IMMP2L: variants seen among roughly 807,000 people sequenced by gnomAD.
IMMP2L encodes the protein mitochondrial inner membrane protease subunit 2.
In IMMP2L, 18 loss-of-function variants were observed where a neutral mutation model predicts 19.3. The ratio of observed to expected loss-of-function variants is 0.93; its 90% CI spans 0.64 to 1.38. The LOEUF (loss-of-function observed/expected upper bound fraction) is 1.38, where lower values mean the gene tolerates loss of function less well. IMMP2L is among the 40% of genes most tolerant of loss of function. IMMP2L has a pLI of 0.00. For missense variants in IMMP2L, 233 were observed against 218.2 expected (o/e 1.07, Z -0.43); for synonymous variants, 76 against 73.0 (o/e 1.04, Z -0.21).
chr7:111,539,194 G>GGAA (rs1563330607), intron 1 of IMMP2L, among the ~76,000 whole-genome samples: 681 of 60,860 alleles, frequency 0.011, 74 homozygotes, highest in Middle Eastern at 0.018. Context: ...GAAGGAAGGA[G>GGAA]GGAGAAAGAA....
At position 110,956,402 on chromosome 7, in the gene IMMP2L, C is replaced by T. The variant is rs549159601; in HGVS notation, c.305+7098G>A. ...GCATCGATCCTCCCCTGCCTGATTC[C>T]TCCCTGGAGCCAAGAAGTGATTCTG... On this transcript the variant is annotated intron_variant, in intron 4 of 5. Transcript: ENST00000405709. Among the ~76,000 whole-genome samples the T allele has an allele frequency of 5.9e-5, 9 of 152,132 alleles. 1 individual carries two copies. The highest frequency in any genetic ancestry group is 5.9e-4 in the Admixed American group (9 of 15,248).
intron 3 of IMMP2L, among the ~76,000 whole-genome samples, chr7:111,101,365 G>A (rs903347113): frequency 4.6e-5 from 7 of 151,290 alleles, no homozygotes; most frequent in African/African-American, 1.7e-4. Context: ...TCATATATTC[G>A]TGTCTGTGAT....
chr7:110,841,698 T>A (rs1805104791), intron 5 of IMMP2L, among the ~76,000 whole-genome samples: 1 of 152,128 alleles, frequency 6.6e-6, no homozygotes, highest in Non-Finnish European at 1.5e-5. Flanking sequence ...GACTTTTTTT[T>A]AAAGAACTGG....
intron 3 of IMMP2L, among the ~76,000 whole-genome samples, chr7:111,219,114 ATACT>A (rs1812259601): frequency 6.6e-6 from 1 of 152,062 alleles, no homozygotes; most frequent in South Asian, 2.1e-4. Context: ...GATGTATGTT[ATACT>A]ATTTGGGTTT....
chr7:110,716,218 G>A (rs896427284), intron 5 of IMMP2L, among the ~76,000 whole-genome samples: 1 of 151,964 alleles, frequency 6.6e-6, no homozygotes, highest in Non-Finnish European at 1.5e-5. Flanking sequence ...CTCTTGAAGA[G>A]AGGGGATGGA....
At chr7:111,106,901 A>C (rs897330532) in intron 3 of IMMP2L, among the ~76,000 whole-genome samples, 3 of 151,896 alleles carry the variant, frequency 2.0e-5, no homozygotes, top group African/African-American at 7.2e-5. Context: ...GAAAACATTC[A>C]TTCAATAGTA....
chr7:111,302,058 T>C (rs1044566902), intron 3 of IMMP2L, among the ~76,000 whole-genome samples: 2 of 150,970 alleles, frequency 1.3e-5, no homozygotes, highest in African/African-American at 4.9e-5. Context: ...CACCTCACAC[T>C]GCACAGGCCC....
At chr7:111,405,857 G>A (rs556338693) in intron 3 of IMMP2L, among the ~76,000 whole-genome samples, 17 of 152,106 alleles carry the variant, frequency 1.1e-4, no homozygotes, top group African/African-American at 3.9e-4. Flanking sequence ...TTATTGGAAC[G>A]CAGCCACACC....
In IMMP2L at chr7:111,081,432, C is replaced by G. The variant is rs10234323; in HGVS notation, c.240-117867G>C. On this transcript the variant is annotated intron_variant, in intron 3 of 5. Transcript: ENST00000405709. ...TTGTACTTGCTTATTGTGCCTGTTT[C>G]TAGATTTTAGACATGCTAGCACCTC... Among the ~76,000 whole-genome samples the G allele has an allele frequency of 9.7e-3, 1,470 of 152,288 alleles. 23 individuals carry two copies. The highest frequency in any genetic ancestry group is 0.033 in the African/African-American group (1,364 of 41,550).
At chr7:110,785,922 A>G (rs1160321248) in intron 5 of IMMP2L, among the ~76,000 whole-genome samples, 1 of 151,878 alleles carries the variant, frequency 6.6e-6, no homozygotes, top group East Asian at 1.9e-4. Flanking sequence ...GTTTTTAAAG[A>G]GACTTCTGAT....
chr7:111,128,410 T>C (rs1346915768), intron 3 of IMMP2L, among the ~76,000 whole-genome samples: 1 of 152,222 alleles, frequency 6.6e-6, no homozygotes, highest in Admixed American at 6.5e-5. Flanking sequence ...GTTTTTTTCT[T>C]GGTCTAAAAT....
chr7:110,946,108 T>C (rs762223949), intron 4 of IMMP2L, among the ~76,000 whole-genome samples: 67 of 152,236 alleles, frequency 4.4e-4, no homozygotes, highest in Non-Finnish European at 9.3e-4. Flanking sequence ...AATTTCAGCA[T>C]GCATCAGAAT....
At chr7:111,121,684 G>T (rs1800640150) in intron 3 of IMMP2L, among the ~76,000 whole-genome samples, 1 of 152,106 alleles carries the variant, frequency 6.6e-6, no homozygotes, top group Admixed American at 6.6e-5. Context: ...ATTCCTCGGG[G>T]ATCTAGAACT....
At chr7:110,888,425 G>A (rs892688449) in intron 4 of IMMP2L, among the ~76,000 whole-genome samples, 1 of 151,976 alleles carries the variant, frequency 6.6e-6, no homozygotes, top group African/African-American at 2.4e-5. Flanking sequence ...TATTAAGCTG[G>A]GTATTCTGGA....
At chr7:110,907,971 G>T (rs1397462121) in intron 4 of IMMP2L, among the ~76,000 whole-genome samples, 1 of 152,146 alleles carries the variant, frequency 6.6e-6, no homozygotes, top group East Asian at 1.9e-4. Context: ...GTCAGTACTT[G>T]CTGCTTGGCT....
intron 3 of IMMP2L, among the ~76,000 whole-genome samples, chr7:111,346,636 A>T (rs1827596645): frequency 6.6e-6 from 1 of 152,152 alleles, no homozygotes; most frequent in Non-Finnish European, 1.5e-5. Context: ...ACAGATAAAC[A>T]GAAAGCCACA....
At chr7:110,741,176 T>A (rs2130867336) in intron 5 of IMMP2L, among the ~76,000 whole-genome samples, 1 of 152,272 alleles carries the variant, frequency 6.6e-6, no homozygotes, top group South Asian at 2.1e-4. Context: ...AATAATGGCA[T>A]TTGCAGCAAC....
At chr7:110,930,609 G>A (rs1280682300) in intron 4 of IMMP2L, among the ~76,000 whole-genome samples, 2 of 152,126 alleles carry the variant, frequency 1.3e-5, no homozygotes, top group African/African-American at 2.4e-5. Flanking sequence ...GCCCAGTAAT[G>A]GCATAAACTA....
At chr7:111,253,862 T>C (rs1816411850) in intron 3 of IMMP2L, among the ~76,000 whole-genome samples, 1 of 151,920 alleles carries the variant, frequency 6.6e-6, no homozygotes, top group Non-Finnish European at 1.5e-5. Context: ...CAGGAAGAGG[T>C]GTGAGGCCAG....
Sources: gnomAD v4.1 joint callset for allele counts (sites outside exome capture counted in the v4.1 genomes callset) on GRCh38, gnomAD v4.1.1 for gene constraint, MANE v1.5 for transcripts, NCBI Gene and HGNC (gene_info 2026-07-23, HGNC 2026-07-21) for gene names.